IL17RD: variants seen among roughly 807,000 people sequenced by gnomAD.
IL17RD encodes the protein interleukin 17 receptor D, also known as interleukin-17 receptor D.
In IL17RD, 52 loss-of-function variants were observed where a neutral mutation model predicts 80.5. The observed-to-expected ratio is 0.65, with a 90% CI of 0.52 to 0.81. The LOEUF (loss-of-function observed/expected upper bound fraction) is 0.81, where lower values mean the gene tolerates loss of function less well. IL17RD is among the 40% of genes least tolerant of loss of function. The pLI is 0.00. For missense variants in IL17RD, 1,024 were observed against 955.1 expected (o/e 1.07, Z -0.95); for synonymous variants, 416 against 391.8 (o/e 1.06, Z -0.73).
intron 1 of IL17RD, among the ~76,000 whole-genome samples, chr3:57,123,195 G>T (rs1430078297): frequency 6.6e-6 from 1 of 152,170 alleles, no homozygotes; most frequent in Non-Finnish European, 1.5e-5. Context: ...ACTCTCTGCT[G>T]AGCATTCCAC....
chr3:57,123,959 C>T (rs1352986320), intron 1 of IL17RD, among the ~76,000 whole-genome samples: 1 of 152,108 alleles, frequency 6.6e-6, no homozygotes, highest in Non-Finnish European at 1.5e-5. Flanking sequence ...GCGGGAGAAT[C>T]GCTTGAACCC....
At chr3:57,157,338 G>A (rs4147389) in intron 1 of IL17RD, among the ~76,000 whole-genome samples, 90 of 152,260 alleles carry the variant, frequency 5.9e-4, no homozygotes, top group African/African-American at 2.0e-3. Context: ...GGGAGTGCTC[G>A]GTACTGTGGC....
At chr3:57,125,179 G>A (rs1707432546) in intron 1 of IL17RD, among the ~76,000 whole-genome samples, 1 of 152,168 alleles carries the variant, frequency 6.6e-6, no homozygotes, top group Non-Finnish European at 1.5e-5. Context: ...GGCCAAGGCG[G>A]CCGGATCACC....
chr3:57,117,020 G>T (rs921459027), intron 2 of IL17RD, among the ~76,000 whole-genome samples: 36 of 151,554 alleles, frequency 2.4e-4, no homozygotes, highest in Non-Finnish European at 4.7e-4. Flanking sequence ...AATAATGGTT[G>T]TTGTTGTCAT....
chr3:57,144,273 G>A (rs888394772), intron 1 of IL17RD, among the ~76,000 whole-genome samples: 1 of 152,136 alleles, frequency 6.6e-6, no homozygotes, highest in African/African-American at 2.4e-5. Context: ...ATCACACACA[G>A]TTGCCCTTTT....
chr3:57,096,654 C>T, intron 12 of IL17RD, 149 bp from the exon 13 acceptor site: 1 of 646,476 alleles, frequency 1.5e-6, no homozygotes, highest in Non-Finnish European at 2.8e-6. Context: ...AGATGGGGCA[C>T]TCTCATCCTC....
Position 57,138,419 on chromosome 3 carries a change from C to T in IL17RD, c.127-18106G>A, listed in dbSNP as rs74679043. On this transcript the variant is annotated intron_variant, in intron 1 of 12. Coordinates refer to ENST00000296318, the MANE Select transcript of IL17RD (RefSeq NM_017563.5). ...GAGACTAGAGGGTGGAAGACTGGAG[C>T]GAGGTAGACCAGATAGCCAGCAACT... Among the ~76,000 whole-genome samples, 1,259 of 152,090 alleles carry T rather than the reference C, an allele frequency of 8.3e-3. 76 individuals carry two copies. In the East Asian group the frequency reaches 0.16, roughly 19 times the overall value.
Position 57,098,419 on chromosome 3 carries a change from G to C in IL17RD, c.1284C>G (p.Tyr428Ter). The C allele has an allele frequency of 6.2e-7, 1 of 1,613,982 alleles. No individual in the cohort carries two copies. The highest frequency in any genetic ancestry group is 8.5e-7 in the Non-Finnish European group (1 of 1,179,884). Residue 428 changes from tyrosine (Y) to a stop codon, truncating the protein, a stop_gained, in exon 12 of 13, where the codon TAC (tyrosine) becomes TAG (stop). Coordinates refer to ENST00000296318, the MANE Select transcript of IL17RD (RefSeq NM_017563.5). LOFTEE classifies it high-confidence loss of function. ...GTTTGTAGTTCTTCTTGTCCACAAA[G>C]TACTTCATACCTTTGGAACAAACCA... ...IIVVCSKGMK[Y>*]FVDKKNYKHK... is the part of the protein sequence containing the mutation.
rs1314569116 is a variant in IL17RD at position 57,165,329 on chromosome 3, C to T, written c.-43G>A. The T allele has an allele frequency of 1.5e-6, 2 of 1,306,342 alleles. No homozygotes were observed. Among genetic ancestry groups the T allele is most frequent in the Non-Finnish European group, 2.0e-6 (2 of 1,023,036 alleles). The allele number at this position is 1,306,342 out of a possible 1,614,324, so 80.9% of individuals were successfully genotyped here. A position where few individuals can be genotyped will look rare whatever the true frequency, so the allele number is the denominator to read the frequency against. ...GCCAGGCCGTTCTCTGCGCCCCGGC[C>T]GCCCGCCGCTGGCCAGCCCCGAGTG... is the stretch of plus-strand genomic sequence containing the variant. On this transcript the variant is annotated 5_prime_UTR_variant, in exon 1 of 13. Coordinates refer to ENST00000296318, the MANE Select transcript of IL17RD (RefSeq NM_017563.5).
intron 8 of IL17RD, among the ~76,000 whole-genome samples, chr3:57,103,859 C>A (rs1706891992): frequency 6.6e-6 from 1 of 151,756 alleles, no homozygotes; most frequent in South Asian, 2.1e-4. Flanking sequence ...CGCCCACCAC[C>A]ACGCCCAGCT....
Position 57,127,273 on chromosome 3 carries a change from A to AATATATATAAAAAAATATAT in IL17RD, c.127-6961_127-6960insATATATTTTTTTATATATAT, listed in dbSNP as rs1559476861. On this transcript the variant is annotated intron_variant, in intron 1 of 12. Transcript: ENST00000296318. The stretch of plus-strand genomic sequence containing the variant: ...ATATAAATATATATAAATATATATA[A>AATATATATAAAAAAATATAT]AAATATATATAAATATATATAAATA... Among the ~76,000 whole-genome samples the AATATATATAAAAAAATATAT allele has an allele frequency of 1.5e-3, 126 of 81,340 alleles. 11 individuals carry two copies. Among genetic ancestry groups the AATATATATAAAAAAATATAT allele is most frequent in the South Asian group, 2.8e-3 (8 of 2,822 alleles). 53.4% of individuals were successfully genotyped at this position (81,340 alleles called of 152,430 possible). A position where few individuals can be genotyped will look rare whatever the true frequency, so the allele number is the denominator to read the frequency against.
At chr3:57,161,496 G>A (rs980638289) in intron 1 of IL17RD, among the ~76,000 whole-genome samples, 1 of 152,212 alleles carries the variant, frequency 6.6e-6, no homozygotes, top group African/African-American at 2.4e-5. Context: ...TAAAGATGAT[G>A]CCAGCATCCT....
At chr3:57,153,680 A>T (rs2060245562) in intron 1 of IL17RD, among the ~76,000 whole-genome samples, 1 of 152,224 alleles carries the variant, frequency 6.6e-6, no homozygotes, top group Non-Finnish European at 1.5e-5. Context: ...CTGTTATTTC[A>T]ATTCTTCTAC....
rs1241891996 is a variant in IL17RD, at chr3:57,092,450, G to T, written c.*3943C>A. 2 of 146,872 alleles carry T rather than the reference G, an allele frequency of 1.4e-5. No individual in the cohort carries two copies. Among genetic ancestry groups the T allele is most frequent in the Non-Finnish European group, 3.0e-5 (2 of 66,186 alleles). 9.1% of individuals were successfully genotyped at this position (146,872 alleles called of 1,614,324 possible). Reference sequence around the variant, plus strand: ...AAAAATACAAAAAAATTAGCCAGGCGTGGTGGTGGGCGCCTGTAGTCCCAG... The same window carrying T: ...AAAAATACAAAAAAATTAGCCAGGCTTGGTGGTGGGCGCCTGTAGTCCCAG... On this transcript the variant is annotated 3_prime_UTR_variant, in exon 13 of 13. Coordinates refer to ENST00000296318, the MANE Select transcript of IL17RD (RefSeq NM_017563.5).
intron 1 of IL17RD, among the ~76,000 whole-genome samples, chr3:57,133,483 T>C (rs1165576901): frequency 1.3e-5 from 2 of 152,200 alleles, no homozygotes; most frequent in Non-Finnish European, 2.9e-5. Context: ...CAGGAAATAA[T>C]TATGCTTGCC....
intron 1 of IL17RD, among the ~76,000 whole-genome samples, chr3:57,122,740 C>CTTT (rs754491969): frequency 0.62 from 72,326 of 116,704 alleles, 23,570 homozygotes; most frequent in South Asian, 0.7. Context: ...CCTCAACTGT[C>CTTT]TTTTTTTTTT....
intron 1 of IL17RD, among the ~76,000 whole-genome samples, chr3:57,148,568 C>A (rs1477568940): frequency 6.6e-6 from 1 of 152,194 alleles, no homozygotes; most frequent in Non-Finnish European, 1.5e-5. Flanking sequence ...AAAGTCCACA[C>A]TCCCTGAATC....
upstream of IL17RD, among the ~76,000 whole-genome samples, chr3:57,165,644 C>G (rs1455170252): frequency 6.6e-6 from 1 of 151,866 alleles, no homozygotes; most frequent in Non-Finnish European, 1.5e-5. Flanking sequence ...GAGGAAAACA[C>G]AAAGAATGTA....
chr3:57,106,242 T>C, intron 5 of IL17RD, 88 bp from the exon 6 acceptor site: 2 of 931,224 alleles, frequency 2.1e-6, no homozygotes, highest in Non-Finnish European at 3.4e-6. Context: ...ATAAAGATAC[T>C]GTGCCGGGTG....
Sources: allele counts gnomAD v4.1 joint callset (sites outside exome capture counted in the v4.1 genomes callset), GRCh38; gene constraint gnomAD v4.1.1; transcripts MANE v1.5; gene names NCBI Gene and HGNC (gene_info 2026-07-23, HGNC 2026-07-21).